The following SNRNP200 variants were observed in gnomAD, a reference collection of about 807,000 sequenced individuals.
SNRNP200 encodes U5 small nuclear ribonucleoprotein 200 kDa helicase.
In SNRNP200, 66 loss-of-function variants were observed where a neutral mutation model predicts 255.2. The ratio of observed to expected loss-of-function variants is 0.26; its 90% CI spans 0.21 to 0.32. The LOEUF (loss-of-function observed/expected upper bound fraction) is 0.32. Among genes scored for constraint, SNRNP200 ranks in the 10% least tolerant of loss-of-function variants. The probability of loss-of-function intolerance (pLI) is 1.00; values close to 1 mark genes in which losing one functional copy is unlikely to be tolerated. For missense variants in SNRNP200, 1,585 were observed against 2,749.8 expected, an observed-to-expected ratio of 0.58 and a Z score of 9.47; for synonymous variants, 939 against 1,027.8, an observed-to-expected ratio of 0.91 and a Z score of 1.65.
At position 96,278,935 on chromosome 2, in the gene SNRNP200, G is replaced by A. The variant is rs1684715446; in HGVS notation, c.5197C>T (p.His1733Tyr). Reference sequence around the variant, plus strand: ...ACGATCTCAGCATTGAAGTGGTCATGCATACAGTGGTCCAGGTGAGATTCT... The same window carrying A: ...ACGATCTCAGCATTGAAGTGGTCATACATACAGTGGTCCAGGTGAGATTCT... The part of the protein sequence containing the change: ...PVESHLDHCM[H>Y]DHFNAEIVTK... The change falls in exon 37 of 45, where the codon CAT becomes TAT. Residue 1733 changes from histidine to tyrosine, a missense_variant. Physicochemically the swap from His to Tyr is moderately conservative, Grantham distance 83. Around this residue, in one of 9 missense-constraint regions of SNRNP200, gnomAD observed 279 missense variants for 551.2 expected, o/e 0.51. Transcript: ENST00000323853. The surrounding 1 kb of genome is among the most constrained non-coding windows in gnomAD (Gnocchi z 6.9). The A allele has an allele frequency of 6.2e-7, 1 of 1,614,100 alleles. No individual in the cohort carries two copies. Among genetic ancestry groups the A allele is most frequent in the Non-Finnish European group, 8.5e-7 (1 of 1,179,936 alleles).
At chr2:96,299,657 A>G (rs1406724860) in intron 5 of SNRNP200, among the ~76,000 whole-genome samples, 2 of 152,226 alleles carry the variant, frequency 1.3e-5, no homozygotes, top group Non-Finnish European at 2.9e-5. Context: ...GGCTGCTACA[A>G]TGGCAATCAA....
In SNRNP200 at chr2:96,287,237, G is replaced by A; in HGVS notation, c.3485-77C>T. 4 of 1,558,736 alleles carry A rather than the reference G, an allele frequency of 2.6e-6. No individual in the cohort carries two copies. The highest frequency in any genetic ancestry group is 2.7e-6 in the Non-Finnish European group (3 of 1,130,500). Reference sequence around the variant, plus strand: ...GCAAACTGGGCCTGAGGGCCACTGTGGGAAAGGGGTAGGGTCTTCCCTTTA... The same window carrying A: ...GCAAACTGGGCCTGAGGGCCACTGTAGGAAAGGGGTAGGGTCTTCCCTTTA... On this transcript the variant is annotated intron_variant, in intron 26 of 44. Transcript: ENST00000323853. The surrounding 1 kb of genome is among the most constrained non-coding windows in gnomAD (Gnocchi z 5.7).
At chr2:96,285,153 T>C in intron 30 of SNRNP200, 27 bp downstream of exon 30, 6 of 1,613,290 alleles carry the variant, frequency 3.7e-6, no homozygotes, top group Non-Finnish European at 5.1e-6. Context: ...TCTTGGGAAA[T>C]TCACATGACA....
intron 43 of SNRNP200, chr2:96,276,660 T>C (rs1301517065): frequency 1.9e-6 from 1 of 532,644 alleles, no homozygotes; most frequent in Non-Finnish European, 3.5e-6. Flanking sequence ...GACCTCGTGA[T>C]CCGCCCGCCT....
At chr2:96,284,749 CTTTTTT>C (rs71791481) in intron 30 of SNRNP200, 164 bp from the exon 31 acceptor site, 15 of 552,844 alleles carry the variant, frequency 2.7e-5, no homozygotes, top group East Asian at 6.1e-5. Flanking sequence ...GCAGCTTTTT[CTTTTTT>C]TTTTTTCTTT....
chr2:96,289,332 A>G lies in SNRNP200; in HGVS notation c.2988T>C (p.Asp996=). 6.2e-7 allele frequency: 1 copy of G among 1,614,190 alleles called. No individual in the cohort carries two copies. Among genetic ancestry groups the G allele is most frequent in the Non-Finnish European group, 8.5e-7 (1 of 1,180,016 alleles). ...GCAGCTGGTTGTAAGTCTGCACTGT[A>G]TCATTGGTGATGTAGTAGTGGCTGG... ...RIASHYYITN[D]TVQTYNQLLK... Residue 996 remains aspartate, a synonymous_variant, in exon 22 of 45, where the codon GAT becomes GAC. Transcript: ENST00000323853.
intron 1 of SNRNP200, 37 bp from the exon 2 acceptor site, chr2:96,304,905 AGCAG>A: frequency 6.2e-7 from 1 of 1,602,474 alleles, no homozygotes. Context: ...CTTTGACATG[AGCAG>A]GGCCAATTCC....
chr2:96,292,452 T>C (rs1353329740), intron 16 of SNRNP200, among the ~76,000 whole-genome samples: 1 of 152,232 alleles, frequency 6.6e-6, no homozygotes. Context: ...TTAGTTAACA[T>C]TGCTCAACTC....
Position 96,278,804 on chromosome 2 carries a change from C to A in SNRNP200, c.5323+5G>T, listed in dbSNP as rs1684713631. 1 of 1,614,210 alleles carries A rather than the reference C, an allele frequency of 6.2e-7. No individual in the cohort carries two copies. Among genetic ancestry groups the A allele is most frequent in the Non-Finnish European group, 8.5e-7 (1 of 1,180,044 alleles). ...AGGATCACGTGTGCTCCCAAGCCCA[C>A]TGACCCTGCAGGTTGTAGTAATTGG... On this transcript the variant is annotated splice_donor_5th_base_variant and intron_variant, in intron 37 of 44. Transcript: ENST00000323853. This position sits in a 1 kb window ranked among gnomAD's most constrained non-coding sequence, Gnocchi z 6.9.
Position 96,304,772 on chromosome 2 carries a change from C to T in SNRNP200, c.142G>A (p.Glu48Lys). 6.2e-7 allele frequency: 1 copy of T among 1,614,216 alleles called. No homozygotes were observed. The highest frequency in any genetic ancestry group is 8.5e-7 in the Non-Finnish European group (1 of 1,180,042). The stretch of plus-strand genomic sequence containing the variant: ...GCCTTGTCTCCCATACGGGTGCCCT[C>T]CAGCTTCCCAACAAGGGACAGCACC... Reference protein sequence around the residue: ...GEVLSLVGKLEGTRMGDKAQR... With the variant: ...GEVLSLVGKLKGTRMGDKAQR... Residue 48 changes from glutamate to lysine, a missense_variant, in exon 2 of 45, where the codon GAG becomes AAG. Glu to Lys is a moderately conservative substitution (Grantham distance 56). Transcript: ENST00000323853.
chr2:96,283,187 G>A lies in SNRNP200; in HGVS notation c.4915+14C>T, dbSNP rs150854667. The A allele has an allele frequency of 2.3e-5, 37 of 1,613,756 alleles. No individual in the cohort carries two copies. Among genetic ancestry groups the A allele is most frequent in the Admixed American group, 5.0e-5 (3 of 60,026 alleles). On this transcript the variant is annotated intron_variant, in intron 34 of 44. Transcript: ENST00000323853. The surrounding 1 kb of genome is among the most constrained non-coding windows in gnomAD (Gnocchi z 4.7). ...GATACCCTTGCTATGCTCCCCTTCC[G>A]TGGCCTGACTTACCTGAGCTGAAGA...
rs2104365206 is a variant in SNRNP200 at position 96,303,320 on chromosome 2, G to A, written c.220C>T (p.Arg74Cys). The A allele has an allele frequency of 6.2e-7, 1 of 1,614,018 alleles. No individual in the cohort carries two copies. Among genetic ancestry groups the A allele is most frequent in the Non-Finnish European group, 8.5e-7 (1 of 1,180,014 alleles). ...TTGATGTCATGCCGGTCCTCATCAC[G>A]CTTTCTTCGCCTAATGGACATGCAA... is the stretch of plus-strand genomic sequence containing the variant. ...QEERRAKRRK[R>C]DEDRHDINKM... The change falls in exon 3 of 45, where the codon CGT becomes TGT. Residue 74 changes from arginine to cysteine, a missense_variant. Arg to Cys is a radical substitution (Grantham distance 180, BLOSUM62 -3). Coordinates refer to ENST00000323853, the MANE Select transcript of SNRNP200 (RefSeq NM_014014.5).
chr2:96,279,763 G>C (rs958301205), intron 35 of SNRNP200: 1 of 559,946 alleles, frequency 1.8e-6, no homozygotes, highest in Non-Finnish European at 3.2e-6. Flanking sequence ...TTCAGTGTAA[G>C]GGCCATGAAT....
At position 96,278,968 on chromosome 2, in the gene SNRNP200, A is replaced by G; in HGVS notation, c.5164T>C (p.Leu1722=). ...DFFKKFLYEP[L]PVESHLDHCM... is the part of the protein sequence containing the mutation. ...TGGTCCAGGTGAGATTCTACTGGCA[A>G]TGGCTCATATAAGAACTTCTTGAAG... Residue 1722 remains leucine (L), a synonymous_variant, in exon 37 of 45, where the codon TTG becomes CTG. Transcript: ENST00000323853. The surrounding 1 kb of genome is among the most constrained non-coding windows in gnomAD (Gnocchi z 6.9). 11 of 1,614,102 alleles carry G rather than the reference A, an allele frequency of 6.8e-6. No homozygotes were observed. The highest frequency in any genetic ancestry group is 8.5e-6 in the Non-Finnish European group (10 of 1,179,948).
In SNRNP200 at chr2:96,283,402, G is replaced by T; in HGVS notation, c.4764-50C>A. ...GCTCAGAGTAGTTCAATTCCTGGCAGACACTTTGCCAGCTGTGCAGAACCT... is the reference window on the plus strand; with the variant it reads ...GCTCAGAGTAGTTCAATTCCTGGCATACACTTTGCCAGCTGTGCAGAACCT... On this transcript the variant is annotated intron_variant, in intron 33 of 44. Transcript: ENST00000323853. This position sits in a 1 kb window ranked among gnomAD's most constrained non-coding sequence, Gnocchi z 4.7. 1 of 1,613,526 alleles carries T rather than the reference G, an allele frequency of 6.2e-7. No homozygotes were observed. Among genetic ancestry groups the T allele is most frequent in the South Asian group, 1.1e-5 (1 of 91,040 alleles).
chr2:96,289,308 C>T lies in SNRNP200; in HGVS notation c.3012G>A (p.Leu1004=), dbSNP rs747754659. Residue 1004 remains leucine, a synonymous_variant, in exon 22 of 45, where the codon CTG becomes CTA. Coordinates refer to ENST00000323853, the MANE Select transcript of SNRNP200 (RefSeq NM_014014.5). ...TNDTVQTYNQ[L]LKPTLSEIEL... ...CAATCTCACTCAGGGTGGGCTTCAG[C>T]AGCTGGTTGTAAGTCTGCACTGTAT... is the stretch of plus-strand genomic sequence containing the variant. 9 of 1,614,226 alleles carry T rather than the reference C, an allele frequency of 5.6e-6. No homozygotes were observed. The highest frequency in any genetic ancestry group is 1.7e-5 in the Admixed American group (1 of 60,018).
chr2:96,290,295 G>C lies in SNRNP200; in HGVS notation c.2742+31C>G, dbSNP rs2063876461. The C allele has an allele frequency of 2.5e-6, 4 of 1,611,018 alleles. No individual in the cohort carries two copies. Among genetic ancestry groups the C allele is most frequent in the Non-Finnish European group, 3.4e-6 (4 of 1,178,206 alleles). On this transcript the variant is annotated intron_variant, in intron 20 of 44. Transcript: ENST00000323853. The surrounding 1 kb of genome is among the most constrained non-coding windows in gnomAD (Gnocchi z 4.5). The stretch of plus-strand genomic sequence containing the variant: ...TGGTGCCTTGGTGTCTGCGGGGAAA[G>C]CATGAAGCACAACAAGCAGTCCTCC...
intron 11 of SNRNP200, 144 bp from the exon 12 acceptor site, chr2:96,297,214 CT>C: frequency 6.7e-7 from 1 of 1,490,886 alleles, no homozygotes; most frequent in Admixed American, 1.8e-5. Context: ...ATATTGTCCC[CT>C]GGGCTCAAAA....
intron 30 of SNRNP200, 139 bp from the exon 31 acceptor site, chr2:96,284,724 A>C (rs760889434): frequency 1.0e-5 from 7 of 682,542 alleles, no homozygotes; most frequent in African/African-American, 1.8e-5. Context: ...AGCAGCCTCT[A>C]TGCGATGCGA....
Sources: allele counts gnomAD v4.1 joint callset (sites outside exome capture counted in the v4.1 genomes callset), GRCh38; gene constraint gnomAD v4.1.1; regional missense constraint gnomAD v4.1.1; non-coding constraint Gnocchi (gnomAD v3.1); transcripts MANE v1.5; gene names NCBI Gene and HGNC (gene_info 2026-07-23, HGNC 2026-07-21).